Variants in STON2 observed in about 807,000 individuals in gnomAD.
The protein encoded by STON2 is stonin 2, also known as stonin-2.
STON2 carries 29 observed loss-of-function variants against 65.7 expected under a neutral mutation model. That is an observed-to-expected ratio of 0.44 (90% CI 0.33 to 0.60). The LOEUF (loss-of-function observed/expected upper bound fraction) is 0.60. STON2 is among the 20% of genes least tolerant of loss of function. STON2 has a pLI of 0.03. For missense variants in STON2, 1,054 were observed against 1,118.1 expected (o/e 0.94, Z 0.82); for synonymous variants, 404 against 414.2 (o/e 0.98, Z 0.30).
In STON2 at chr14:81,264,493, G is replaced by A. The variant is rs1014296169; in HGVS notation, c.*3921C>T. 7 of 985,258 alleles carry A rather than the reference G, an allele frequency of 7.1e-6. No individual in the cohort carries two copies. The African/African-American group carries it at 1.0e-4, about 15-fold the overall frequency. The allele number at this position is 985,258 out of a possible 1,614,324, so 61.0% of individuals were successfully genotyped here. A position where few individuals can be genotyped will look rare whatever the true frequency, so the allele number is the denominator to read the frequency against. The stretch of plus-strand genomic sequence containing the variant: ...CTCCTGGCAAGCATTTAAGGTGGCT[G>A]AACCCTATTATATTCCAAGCTTTGT... On this transcript the variant is annotated 3_prime_UTR_variant, in exon 8 of 8. Coordinates refer to ENST00000614646, the MANE Select transcript of STON2 (RefSeq NM_001394390.1).
chr14:81,391,582 G>C (rs540612276), intron 3 of STON2, among the ~76,000 whole-genome samples: 1 of 152,318 alleles, frequency 6.6e-6, no homozygotes, highest in African/African-American at 2.4e-5. Flanking sequence ...GGTTAGTTTG[G>C]GTAATAGGAA....
chr14:81,329,704 C>G (rs1897138200), intron 4 of STON2, among the ~76,000 whole-genome samples: 1 of 152,142 alleles, frequency 6.6e-6, no homozygotes, highest in Admixed American at 6.5e-5. Context: ...CTAAAACATA[C>G]AGTGAACTCA....
Position 81,261,962 on chromosome 14 carries a change from A to AAG in STON2, c.*6451_*6452insCT. 1 of 1,416,322 alleles carries AAG rather than the reference A, an allele frequency of 7.1e-7. No homozygotes were observed. Among genetic ancestry groups the AAG allele is most frequent in the African/African-American group, 1.5e-5 (1 of 65,596 alleles). The allele number at this position is 1,416,322 out of a possible 1,614,324, so 87.7% of individuals were successfully genotyped here. ...GAAATGATAAAAAAAAAAAAAAAAA[A>AAG]GAGAGAGATGTGAAAAGGAAAAAGA... On this transcript the variant is annotated 3_prime_UTR_variant, in exon 8 of 8. Coordinates refer to ENST00000614646, the MANE Select transcript of STON2 (RefSeq NM_001394390.1).
At chr14:81,333,230 T>G in intron 4 of STON2, 2 of 855,792 alleles carry the variant, frequency 2.3e-6, no homozygotes, top group South Asian at 1.3e-5. Context: ...TTTGCTAGTT[T>G]TTCCCGAATT....
Position 81,395,866 on chromosome 14 carries a change from C to G in STON2, c.373+28G>C, listed in dbSNP as rs749192352. On this transcript the variant is annotated intron_variant, in intron 3 of 7. Coordinates refer to ENST00000614646, the MANE Select transcript of STON2 (RefSeq NM_001394390.1). The stretch of plus-strand genomic sequence containing the variant: ...AAAAGCATCCCTGCTGACCACAAAC[C>G]CAAGCCGGGCCCTTCCTACCTCCTC... 6 of 1,611,466 alleles carry G rather than the reference C, an allele frequency of 3.7e-6. No individual in the cohort carries two copies. In the African/African-American group the frequency reaches 8.0e-5, roughly 22 times the overall value.
intron 4 of STON2, among the ~76,000 whole-genome samples, chr14:81,341,450 T>TG (rs1284814602): frequency 2.0e-4 from 24 of 122,786 alleles, no homozygotes; most frequent in African/African-American, 5.4e-4. Context: ...ATAAGTGTTT[T>TG]TTTTTTGTTT....
Position 81,378,937 on chromosome 14 carries a change from A to G in STON2, c.374-7752T>C, listed in dbSNP as rs145859806. On this transcript the variant is annotated intron_variant, in intron 3 of 7. Transcript: ENST00000614646. Reference sequence around the variant, plus strand: ...AACAGAAGGACTCCCTAAACCTAACAGAAATACCCCCCAAAGCTTAATTAA... The same window carrying G: ...AACAGAAGGACTCCCTAAACCTAACGGAAATACCCCCCAAAGCTTAATTAA... Among the ~76,000 whole-genome samples, 57 of 143,968 alleles carry G rather than the reference A, an allele frequency of 4.0e-4. No homozygotes were observed. In the East Asian group the frequency reaches 9.3e-3, roughly 23 times the overall value. 94.4% of individuals were successfully genotyped at this position (143,968 alleles called of 152,430 possible).
In STON2 at chr14:81,277,750, TGTGGGCCACA is replaced by T; in HGVS notation, c.1722_1731del (p.Val575GlnfsTer7). Reference sequence around the variant, plus strand: ...TTAATCACCTGTTCCCTCTCTGCTGTGTGGGCCACAGCAGGTTTGGGCTGGTATTTCTTCT... The same window carrying T: ...TTAATCACCTGTTCCCTCTCTGCTGTGCAGGTTTGGGCTGGTATTTCTTCT... On this transcript the variant is annotated frameshift_variant, in exon 6 of 8. Coordinates refer to ENST00000614646, the MANE Select transcript of STON2 (RefSeq NM_001394390.1). LOFTEE classifies it high-confidence loss of function. 1 of 1,614,198 alleles carries T rather than the reference TGTGGGCCACA, an allele frequency of 6.2e-7. No individual in the cohort carries two copies. Among genetic ancestry groups the T allele is most frequent in the East Asian group, 2.2e-5 (1 of 44,880 alleles).
At chr14:81,365,919 C>T (rs959899591) in intron 4 of STON2, among the ~76,000 whole-genome samples, 1 of 152,200 alleles carries the variant, frequency 6.6e-6, no homozygotes, top group African/African-American at 2.4e-5. Context: ...TGTTCACCAA[C>T]CCATGTGAAC....
intron 4 of STON2, among the ~76,000 whole-genome samples, chr14:81,355,963 T>A (rs961184419): frequency 6.6e-6 from 1 of 152,156 alleles, no homozygotes; most frequent in Non-Finnish European, 1.5e-5. Context: ...ACAGGGACAA[T>A]TTGACTTCCT....
intron 6 of STON2, among the ~76,000 whole-genome samples, chr14:81,274,520 A>G (rs947296362): frequency 1.3e-5 from 2 of 151,802 alleles, no homozygotes; most frequent in Admixed American, 6.6e-5. Context: ...CTCTTCTGGT[A>G]GCAGTCTTTT....
Position 81,266,848 on chromosome 14 carries a change from ACACTC to A in STON2, c.*1561_*1565del. On this transcript the variant is annotated 3_prime_UTR_variant, in exon 8 of 8. Coordinates refer to ENST00000614646, the MANE Select transcript of STON2 (RefSeq NM_001394390.1). ...CACAAACACACACATCCACAAACAC[ACACTC>A]CACTCTGTACTTAGAGGGTTGCATT... 1.0e-6 allele frequency: 1 copy of A among 981,500 alleles called. No homozygotes were observed. The allele number at this position is 981,500 out of a possible 1,614,324, so 60.8% of individuals were successfully genotyped here.
chr14:81,278,374 T>A lies in STON2; in HGVS notation c.1108A>T (p.Asn370Tyr). The A allele has an allele frequency of 6.2e-7, 1 of 1,614,194 alleles. No individual in the cohort carries two copies. The highest frequency in any genetic ancestry group is 8.5e-7 in the Non-Finnish European group (1 of 1,180,030). The change falls in exon 6 of 8, where the codon AAC (asparagine) becomes TAC (tyrosine). Residue 370 changes from asparagine to tyrosine, a missense_variant. Physicochemically the swap from Asn to Tyr is moderately radical, Grantham distance 143. Coordinates refer to ENST00000614646, the MANE Select transcript of STON2 (RefSeq NM_001394390.1). ...TGCAGAGTCTCATTCAGGAAAGGGT[T>A]GGTTGCCCTCCAAGGTGAAGCCTCA... is the stretch of plus-strand genomic sequence containing the variant. The part of the protein sequence containing the change: ...VTEASPWRAT[N>Y]PFLNETLQDV...
chr14:81,381,553 TC>T (rs1899516543), intron 3 of STON2, among the ~76,000 whole-genome samples: 1 of 142,918 alleles, frequency 7.0e-6, no homozygotes, highest in Non-Finnish European at 1.5e-5. Flanking sequence ...AAGGATGCTC[TC>T]AACCTTGTTA....
intron 4 of STON2, among the ~76,000 whole-genome samples, chr14:81,334,641 T>C (rs911303521): frequency 6.6e-6 from 1 of 152,168 alleles, no homozygotes; most frequent in African/African-American, 2.4e-5. Flanking sequence ...TGTCCTTTTG[T>C]AGGGTATGAA....
chr14:81,296,645 C>T lies in STON2; in HGVS notation c.743-17906G>A, dbSNP rs536903053. ...AAAGACATAAAGATGAACTGTCTCCCCACTCATAAGCAAAAACCTTACTTA... is the reference window on the plus strand; with the variant it reads ...AAAGACATAAAGATGAACTGTCTCCTCACTCATAAGCAAAAACCTTACTTA... On this transcript the variant is annotated intron_variant, in intron 5 of 7. Transcript: ENST00000614646. Among the ~76,000 whole-genome samples the T allele has an allele frequency of 1.1e-4, 17 of 152,178 alleles. No individual in the cohort carries two copies. The East Asian group carries it at 3.1e-3, about 28-fold the overall frequency.
chr14:81,324,826 TA>T (rs1896949937), intron 4 of STON2, among the ~76,000 whole-genome samples: 2 of 152,232 alleles, frequency 1.3e-5, no homozygotes, highest in South Asian at 2.1e-4. Context: ...CACAAATGGA[TA>T]ATAACTTGTT....
intron 3 of STON2, among the ~76,000 whole-genome samples, chr14:81,394,055 G>A (rs903141878): frequency 1.3e-5 from 2 of 152,124 alleles, no homozygotes; most frequent in Non-Finnish European, 2.9e-5. Context: ...GCCAGGCATG[G>A]TGATGGGTGC....
At chr14:81,272,478 A>G (rs1455251054) in intron 6 of STON2, among the ~76,000 whole-genome samples, 1 of 152,152 alleles carries the variant, frequency 6.6e-6, no homozygotes, top group Non-Finnish European at 1.5e-5. Context: ...AACAATTCCA[A>G]TGTTCTTTAT....
Sources: allele counts gnomAD v4.1 joint callset (sites outside exome capture counted in the v4.1 genomes callset), GRCh38; gene constraint gnomAD v4.1.1; transcripts MANE v1.5; gene names NCBI Gene and HGNC (gene_info 2026-07-23, HGNC 2026-07-21).